The following PTPRD variants were observed in gnomAD, a reference collection of about 807,000 sequenced individuals.
PTPRD encodes the protein receptor-type tyrosine-protein phosphatase delta.
A neutral mutation model predicts 214.5 loss-of-function variants in PTPRD; 34 were observed. The ratio of observed to expected loss-of-function variants is 0.16; its 90% CI spans 0.12 to 0.21. PTPRD has a LOEUF of 0.21. Ranked by LOEUF, PTPRD falls within the 10% of genes least tolerant of loss-of-function variation. The pLI is 1.00. For synonymous variants in PTPRD, 1,128 were observed against 845.7 expected, an observed-to-expected ratio of 1.33 and a Z score of -5.79; for missense variants, 2,545 against 2,398.7, an observed-to-expected ratio of 1.06 and a Z score of -1.27.
intron 7 of PTPRD, among the ~76,000 whole-genome samples, chr9:9,683,807 C>T (rs1050103123): frequency 6.6e-6 from 1 of 151,664 alleles, no homozygotes; most frequent in African/African-American, 2.4e-5. Context: ...CATAAAAAAT[C>T]ATTTTAACGA....
chr9:9,898,134 T>A (rs1179063816), intron 5 of PTPRD, among the ~76,000 whole-genome samples: 3 of 152,156 alleles, frequency 2.0e-5, no homozygotes, highest in Non-Finnish European at 2.9e-5. Flanking sequence ...TTATTCATAA[T>A]GTATGAAACT....
At chr9:8,841,848 T>G (rs1331582310) in intron 11 of PTPRD, among the ~76,000 whole-genome samples, 1 of 151,782 alleles carries the variant, frequency 6.6e-6, no homozygotes, top group Non-Finnish European at 1.5e-5. Context: ...CCATCTCTAC[T>G]AAAAATACAA....
At chr9:9,736,429 T>A (rs2098296138) in intron 6 of PTPRD, among the ~76,000 whole-genome samples, 1 of 152,090 alleles carries the variant, frequency 6.6e-6, no homozygotes. Context: ...ACATATTCAA[T>A]CCACTATTGG....
intron 3 of PTPRD, among the ~76,000 whole-genome samples, chr9:10,123,867 C>T (rs1305676078): frequency 6.6e-6 from 1 of 152,158 alleles, no homozygotes; most frequent in Non-Finnish European, 1.5e-5. Flanking sequence ...AATGTCACAT[C>T]CATAGTGCTA....
At chr9:10,209,491 T>C (rs1275740935) in intron 3 of PTPRD, among the ~76,000 whole-genome samples, 1 of 152,066 alleles carries the variant, frequency 6.6e-6, no homozygotes, top group African/African-American at 2.4e-5. Context: ...CTTGTTTCCC[T>C]CCTCCCAGCC....
At chr9:10,142,251 A>C (rs1359064855) in intron 3 of PTPRD, among the ~76,000 whole-genome samples, 98 of 151,636 alleles carry the variant, frequency 6.5e-4, no homozygotes, top group African/African-American at 2.3e-3. Context: ...AAGCAATGGC[A>C]ACAAAAGCCA....
At chr9:10,332,047 G>C (rs1376522202) in intron 3 of PTPRD, among the ~76,000 whole-genome samples, 5 of 151,758 alleles carry the variant, frequency 3.3e-5, no homozygotes, top group Non-Finnish European at 7.4e-5. Context: ...ACATTTCCTT[G>C]ATTCTATAAT....
chr9:9,580,147 T>G (rs2090283151), intron 7 of PTPRD, among the ~76,000 whole-genome samples: 1 of 152,268 alleles, frequency 6.6e-6, no homozygotes, highest in East Asian at 1.9e-4. Flanking sequence ...ACTTTGCTAT[T>G]GTGAATAGAA....
intron 2 of PTPRD, among the ~76,000 whole-genome samples, chr9:10,601,473 G>T (rs1446197698): frequency 6.6e-6 from 1 of 151,492 alleles, no homozygotes; most frequent in Non-Finnish European, 1.5e-5. Context: ...TAAATAACTG[G>T]ACTTACTACA....
chr9:10,536,736 A>AAAAAACATAAG (rs2057893742), intron 2 of PTPRD, among the ~76,000 whole-genome samples: 1 of 152,112 alleles, frequency 6.6e-6, no homozygotes, highest in Non-Finnish European at 1.5e-5. Flanking sequence ...TGCAGAGAAT[A>AAAAAACATAAG]AAAAACATAA....
At chr9:10,198,092 C>A (rs1233571966) in intron 3 of PTPRD, among the ~76,000 whole-genome samples, 1 of 152,036 alleles carries the variant, frequency 6.6e-6, no homozygotes, top group African/African-American at 2.4e-5. Flanking sequence ...ATAAATCTTT[C>A]TTCTAATACA....
intron 9 of PTPRD, among the ~76,000 whole-genome samples, chr9:9,272,735 C>T (rs1943446707): frequency 6.6e-6 from 1 of 151,192 alleles, no homozygotes; most frequent in South Asian, 2.1e-4. Flanking sequence ...TTTTGACACA[C>T]GTTATTCCTT....
intron 5 of PTPRD, among the ~76,000 whole-genome samples, chr9:9,794,244 G>A (rs970730997): frequency 6.6e-6 from 1 of 150,384 alleles, no homozygotes. Context: ...TATATATATG[G>A]TGTTCCAAAA....
chr9:9,043,061 C>G (rs2099647066), intron 10 of PTPRD, among the ~76,000 whole-genome samples: 3 of 152,150 alleles, frequency 2.0e-5, no homozygotes, highest in Non-Finnish European at 4.4e-5. Context: ...TTATAGTTCT[C>G]TTGGTGATAC....
intron 10 of PTPRD, among the ~76,000 whole-genome samples, chr9:9,148,532 C>G (rs1460218885): frequency 6.6e-6 from 1 of 152,148 alleles, no homozygotes; most frequent in Non-Finnish European, 1.5e-5. Flanking sequence ...TACTCACCCC[C>G]ATATGGCTGA....
chr9:8,353,926 ATG>A (rs1313023790), intron 39 of PTPRD, among the ~76,000 whole-genome samples: 1 of 94,628 alleles, frequency 1.1e-5, no homozygotes, highest in African/African-American at 7.5e-5. Flanking sequence ...ATGTATATAT[ATG>A]TGTGTGTACA....
intron 4 of PTPRD, among the ~76,000 whole-genome samples, chr9:10,030,975 G>A (rs2097054559): frequency 6.6e-6 from 1 of 152,170 alleles, no homozygotes; most frequent in Non-Finnish European, 1.5e-5. Context: ...AGATACCTTT[G>A]TGAAGTGAAT....
chr9:9,606,646 G>A (rs374604549), intron 7 of PTPRD, among the ~76,000 whole-genome samples: 1 of 151,976 alleles, frequency 6.6e-6, no homozygotes, highest in East Asian at 1.9e-4. Context: ...CTGAATTTTA[G>A]CCTGTAGAAA....
chr9:9,418,723 T>C (rs547364386), intron 8 of PTPRD, among the ~76,000 whole-genome samples: 2 of 152,108 alleles, frequency 1.3e-5, no homozygotes, highest in South Asian at 2.1e-4. Context: ...TTACTGTCTA[T>C]ACAAATATGG....
Sources: gnomAD v4.1 joint callset for allele counts (sites outside exome capture counted in the v4.1 genomes callset) on GRCh38, gnomAD v4.1.1 for gene constraint, MANE v1.5 for transcripts, NCBI Gene and HGNC (gene_info 2026-07-23, HGNC 2026-07-21) for gene names.